The following CMTM8 variants were observed in gnomAD, a reference collection of about 807,000 sequenced individuals.
CMTM8 encodes the protein CKLF like MARVEL transmembrane domain containing 8, also known as CKLF-like MARVEL transmembrane domain-containing protein 8.
In CMTM8, 12 loss-of-function variants were observed where a neutral mutation model predicts 18.6. The observed-to-expected ratio is 0.65, with a 90% CI of 0.41 to 1.05. The LOEUF (loss-of-function observed/expected upper bound fraction) is 1.05, where lower values mean the gene tolerates loss of function less well. Among genes scored for constraint, CMTM8 ranks in the 50% least tolerant of loss-of-function variants. The probability of loss-of-function intolerance (pLI) is 0.00; values close to 1 mark genes in which losing one functional copy is unlikely to be tolerated. For missense variants in CMTM8, 217 were observed against 227.2 expected (o/e 0.95, Z 0.29); for synonymous variants, 87 against 90.6 (o/e 0.96, Z 0.23).
In CMTM8 at chr3:32,369,912, A is replaced by C. The variant is rs753833566; in HGVS notation, c.467A>C (p.Tyr156Ser). ...SFFAFLVTIC[Y>S]AGNTYFSFIA... ...TTTGCCTTCCTGGTCACCATCTGCT[A>C]CGCTGGAAATACATATTTCAGTTTT... The change falls in exon 4 of 4, where the codon TAC becomes TCC. Residue 156 changes from tyrosine (Y) to serine (S), a missense_variant. Tyr to Ser is a moderately radical substitution (Grantham distance 144). Coordinates refer to ENST00000307526, the MANE Select transcript of CMTM8 (RefSeq NM_178868.5). The C allele has an allele frequency of 6.2e-7, 1 of 1,609,722 alleles. No homozygotes were observed. Among genetic ancestry groups the C allele is most frequent in the South Asian group, 1.1e-5 (1 of 90,762 alleles).
At chr3:32,267,029 G>A (rs1179266201) in intron 1 of CMTM8, among the ~76,000 whole-genome samples, 3 of 152,092 alleles carry the variant, frequency 2.0e-5, no homozygotes, top group African/African-American at 7.2e-5. Flanking sequence ...TACTGCCCAA[G>A]GTAATTTATA....
At chr3:32,368,998 G>T (rs116478464) in intron 3 of CMTM8, among the ~76,000 whole-genome samples, 4,069 of 152,142 alleles carry the variant, frequency 0.027, 175 homozygotes, top group African/African-American at 0.092. Flanking sequence ...TTTTATTTCT[G>T]TTTGAAGATC....
chr3:32,310,559 G>A (rs1046733131), intron 1 of CMTM8, among the ~76,000 whole-genome samples: 5 of 152,160 alleles, frequency 3.3e-5, no homozygotes, highest in East Asian at 1.9e-4. Flanking sequence ...CCTGCAGCGC[G>A]AGGAAGAAAT....
intron 1 of CMTM8, 32 bp downstream of exon 1, chr3:32,239,151 G>T (rs369235967): frequency 3.8e-6 from 6 of 1,569,070 alleles, no homozygotes; most frequent in African/African-American, 1.4e-5. Context: ...GTGGCGGGGG[G>T]CTCAGCTGGA....
chr3:32,345,082 G>A (rs1410316970), intron 1 of CMTM8, among the ~76,000 whole-genome samples: 1 of 152,184 alleles, frequency 6.6e-6, no homozygotes, highest in African/African-American at 2.4e-5. Flanking sequence ...GCTCACGCCT[G>A]TAATCCTGTA....
At chr3:32,334,907 ACTC>A (rs1252520765) in intron 1 of CMTM8, among the ~76,000 whole-genome samples, 2 of 152,082 alleles carry the variant, frequency 1.3e-5, no homozygotes, top group Non-Finnish European at 2.9e-5. Context: ...TCCTAGGCCA[ACTC>A]CTACCTTCCA....
At chr3:32,346,301 T>C (rs1385491253) in intron 1 of CMTM8, among the ~76,000 whole-genome samples, 2 of 152,242 alleles carry the variant, frequency 1.3e-5, no homozygotes, top group African/African-American at 4.8e-5. Flanking sequence ...TACTCCGGCT[T>C]TACCCGTATC....
chr3:32,285,974 G>A (rs532636219), intron 1 of CMTM8, among the ~76,000 whole-genome samples: 2 of 152,260 alleles, frequency 1.3e-5, no homozygotes, highest in East Asian at 1.9e-4. Flanking sequence ...TCTCTCAGGC[G>A]GTCTGCAGTT....
chr3:32,255,173 ATTTG>A (rs1702161039), intron 1 of CMTM8, among the ~76,000 whole-genome samples: 2 of 152,118 alleles, frequency 1.3e-5, no homozygotes, highest in South Asian at 4.2e-4. Flanking sequence ...GTTCATGGAC[ATTTG>A]TTTGTTTCTG....
At chr3:32,308,801 T>G (rs1265392231) in intron 1 of CMTM8, among the ~76,000 whole-genome samples, 1 of 152,192 alleles carries the variant, frequency 6.6e-6, no homozygotes, top group Non-Finnish European at 1.5e-5. Flanking sequence ...ATCCATTAGA[T>G]CCTATGGTGC....
chr3:32,260,538 T>C lies in CMTM8; in HGVS notation c.147+21419T>C, dbSNP rs564727148. 1.9e-4 allele frequency among the ~76,000 whole-genome samples: 29 copies of C among 152,344 alleles called. No individual in the cohort carries two copies. The South Asian group carries it at 5.2e-3, about 27-fold the overall frequency. ...CTTTCTGTTTTTCATTTACTACTTGTATGTGCTTGGGTTCAACTGTATACT... is the reference window on the plus strand; with the variant it reads ...CTTTCTGTTTTTCATTTACTACTTGCATGTGCTTGGGTTCAACTGTATACT... On this transcript the variant is annotated intron_variant, in intron 1 of 3. Coordinates refer to ENST00000307526, the MANE Select transcript of CMTM8 (RefSeq NM_178868.5).
chr3:32,274,146 C>T (rs771309080), intron 1 of CMTM8, among the ~76,000 whole-genome samples: 5 of 151,874 alleles, frequency 3.3e-5, no homozygotes, highest in Non-Finnish European at 5.9e-5. Context: ...CCGGTCTCTA[C>T]AAAAATTACA....
At chr3:32,268,590 T>TAA (rs370663179) in intron 1 of CMTM8, among the ~76,000 whole-genome samples, 132,048 of 147,874 alleles carry the variant, frequency 0.89, 59,185 homozygotes, top group East Asian at 0.96. Flanking sequence ...ACTTAAAGTA[T>TAA]AAAAAAAAAA....
intron 1 of CMTM8, among the ~76,000 whole-genome samples, chr3:32,297,531 A>G (rs887493003): frequency 6.7e-6 from 1 of 149,644 alleles, no homozygotes; most frequent in Non-Finnish European, 1.5e-5. Context: ...AACATTTGTG[A>G]CTAAAGCTCA....
intron 1 of CMTM8, among the ~76,000 whole-genome samples, chr3:32,271,282 ACGCC>A (rs774564566): frequency 7.2e-5 from 11 of 152,046 alleles, no homozygotes; most frequent in South Asian, 6.2e-4. Context: ...ATGCGCCACC[ACGCC>A]CGGTAATTTT....
At chr3:32,321,379 CTGGTGCCTCCGTGGAGCCT>C (rs1696048436) in intron 1 of CMTM8, among the ~76,000 whole-genome samples, 1 of 152,116 alleles carries the variant, frequency 6.6e-6, no homozygotes, top group Non-Finnish European at 1.5e-5. Context: ...ATGTGGACCC[CTGGTGCCTCCGTGGAGCCT>C]TGTGAGGAGG....
chr3:32,264,266 A>G (rs1008453619), intron 1 of CMTM8, among the ~76,000 whole-genome samples: 2 of 152,276 alleles, frequency 1.3e-5, no homozygotes, highest in African/African-American at 4.8e-5. Flanking sequence ...CAGAAACTCT[A>G]CAAGCCAGAA....
intron 1 of CMTM8, among the ~76,000 whole-genome samples, chr3:32,343,429 C>T (rs1696536791): frequency 2.0e-5 from 3 of 152,184 alleles, no homozygotes; most frequent in African/African-American, 7.2e-5. Flanking sequence ...CCTGCAAAGA[C>T]CCATGTCACC....
intron 1 of CMTM8, among the ~76,000 whole-genome samples, chr3:32,352,345 T>G (rs1696726939): frequency 6.6e-6 from 1 of 152,138 alleles, no homozygotes; most frequent in Non-Finnish European, 1.5e-5. Flanking sequence ...AGAAACAAGA[T>G]GCTATTCATC....
Sources: gnomAD v4.1 joint callset for allele counts (sites outside exome capture counted in the v4.1 genomes callset) on GRCh38, gnomAD v4.1.1 for gene constraint, MANE v1.5 for transcripts, NCBI Gene and HGNC (gene_info 2026-07-23, HGNC 2026-07-21) for gene names.